Variants in TLN2 observed in about 807,000 individuals in gnomAD.
The protein encoded by TLN2 is talin-2.
Under a neutral mutation model 294.7 loss-of-function variants are expected in TLN2, and 118 were observed. That is an observed-to-expected ratio of 0.40 (90% confidence interval 0.34 to 0.47). TLN2 has a LOEUF of 0.47. TLN2 is among the 20% of genes least tolerant of loss of function. TLN2 has a pLI of 0.84. For synonymous variants in TLN2, 1,431 were observed against 1,304.5 expected (o/e 1.10, Z -2.09); for missense variants, 3,083 against 3,282.2 (o/e 0.94, Z 1.48).
chr15:62,644,085 A>T (rs1038920836), intron 3 of TLN2, among the ~76,000 whole-genome samples: 4 of 151,916 alleles, frequency 2.6e-5, no homozygotes, highest in African/African-American at 7.3e-5. Context: ...AGACAAGTCT[A>T]TACCTGCTGG....
At chr15:62,791,244 A>G (rs891821045) in intron 45 of TLN2, among the ~76,000 whole-genome samples, 3 of 152,060 alleles carry the variant, frequency 2.0e-5, no homozygotes, top group Non-Finnish European at 4.4e-5. Context: ...AATCCCAGCT[A>G]TTCAGGAGGC....
intron 1 of TLN2, among the ~76,000 whole-genome samples, chr15:62,587,367 T>A (rs915172278): frequency 6.6e-6 from 1 of 152,206 alleles, no homozygotes; most frequent in African/African-American, 2.4e-5. Context: ...GTAAAAATCA[T>A]CTAACATTTT....
In TLN2 at chr15:62,718,435, CA is replaced by C. The variant is rs202099582; in HGVS notation, c.2877+748del. Among the ~76,000 whole-genome samples the C allele has an allele frequency of 8.9e-3, 1,356 of 152,298 alleles. 20 individuals carry two copies. Among genetic ancestry groups the C allele is most frequent in the African/African-American group, 0.03 (1,249 of 41,566 alleles). Reference sequence around the variant, plus strand: ...CTGCTGGGGTTATGAGAGCCAACTGCAACCCTCTCTGCTTCTTCAAATCTCT... The same window carrying C: ...CTGCTGGGGTTATGAGAGCCAACTGCACCCTCTCTGCTTCTTCAAATCTCT... On this transcript the variant is annotated intron_variant, in intron 24 of 58. Coordinates refer to ENST00000636159, the MANE Select transcript of TLN2 (RefSeq NM_015059.3).
At chr15:62,507,036 C>G (rs1342922283) in intron 1 of TLN2, among the ~76,000 whole-genome samples, 2 of 152,134 alleles carry the variant, frequency 1.3e-5, no homozygotes, top group Non-Finnish European at 2.9e-5. Flanking sequence ...ACTTGCTGAA[C>G]TTTGGTCAGC....
rs1177336684 is a variant in TLN2, at chr15:62,725,047, G to A, written c.3198G>A (p.Leu1066=). Residue 1066 remains leucine (L), a synonymous_variant, in exon 27 of 59, where the codon CTG becomes CTA. Transcript: ENST00000636159. ...CGGTGCAGACGCTTAAGAATGAACTGCAGGATGCCAAGATGGCAGCCGTGG... is the reference window on the plus strand; with the variant it reads ...CGGTGCAGACGCTTAAGAATGAACTACAGGATGCCAAGATGGCAGCCGTGG... ...LNTVQTLKNE[L]QDAKMAAVES... The A allele has an allele frequency of 6.2e-6, 10 of 1,613,474 alleles. No homozygotes were observed. Among genetic ancestry groups the A allele is most frequent in the Middle Eastern group, 1.7e-4 (1 of 6,054 alleles).
At chr15:62,617,608 A>T (rs955232242) in intron 2 of TLN2, among the ~76,000 whole-genome samples, 1 of 152,160 alleles carries the variant, frequency 6.6e-6, no homozygotes, top group Non-Finnish European at 1.5e-5. Flanking sequence ...ATGCCATCTC[A>T]CAAGGCCTCA....
At chr15:62,564,343 G>A (rs1385190774) in intron 1 of TLN2, among the ~76,000 whole-genome samples, 1 of 152,144 alleles carries the variant, frequency 6.6e-6, no homozygotes, top group African/African-American at 2.4e-5. Context: ...TGGGGTGGAG[G>A]TAGACTGGAC....
chr15:62,655,837 A>G (rs2053147882), intron 7 of TLN2, 107 bp from the exon 8 acceptor site: 1 of 1,211,416 alleles, frequency 8.3e-7, no homozygotes, highest in Non-Finnish European at 1.2e-6. Flanking sequence ...TACTATAACT[A>G]AGTATCAGAG....
intron 28 of TLN2, chr15:62,733,815 C>G (rs553620967): frequency 6.6e-6 from 1 of 152,216 alleles, no homozygotes; most frequent in Non-Finnish European, 1.5e-5. Flanking sequence ...AAACAGAAAT[C>G]TGCTTTAGTA....
chr15:62,701,701 C>T (rs532809515), intron 17 of TLN2, among the ~76,000 whole-genome samples: 1 of 152,314 alleles, frequency 6.6e-6, no homozygotes, highest in South Asian at 2.1e-4. Flanking sequence ...AGTTGACCCC[C>T]TGAGCTGCTG....
At chr15:62,545,644 C>T (rs553956906) in intron 1 of TLN2, among the ~76,000 whole-genome samples, 2 of 152,026 alleles carry the variant, frequency 1.3e-5, no homozygotes, top group Non-Finnish European at 2.9e-5. Flanking sequence ...TTTTTATGCT[C>T]AAGTGAATCA....
chr15:62,836,570 G>A (rs1028650149), intron 57 of TLN2, among the ~76,000 whole-genome samples: 1 of 152,232 alleles, frequency 6.6e-6, no homozygotes, highest in Non-Finnish European at 1.5e-5. Context: ...TTCAGCCAGT[G>A]TCTGCTACAG....
At chr15:62,612,867 C>G (rs1410200845) in intron 2 of TLN2, among the ~76,000 whole-genome samples, 1 of 152,160 alleles carries the variant, frequency 6.6e-6, no homozygotes, top group Non-Finnish European at 1.5e-5. Flanking sequence ...ATCTTCCAGG[C>G]TTTATGAAAT....
chr15:62,660,039 C>G (rs1327256523), intron 9 of TLN2, among the ~76,000 whole-genome samples: 11 of 152,126 alleles, frequency 7.2e-5, no homozygotes, highest in East Asian at 1.9e-4. Flanking sequence ...TATGTGTGAT[C>G]TGCTTAAACA....
Position 62,436,638 on chromosome 15 carries a change from G to A in TLN2, c.-238+45953G>A, listed in dbSNP as rs138092152. 3.0e-4 allele frequency among the ~76,000 whole-genome samples: 45 copies of A among 152,342 alleles called. No homozygotes were observed. In the East Asian group the frequency reaches 6.2e-3, roughly 21 times the overall value. On this transcript the variant is annotated intron_variant, in intron 1 of 58. Transcript: ENST00000636159. ...GCAGGCCTATGAGAGGAGGTCTCAA[G>A]GGACTTGGAGGAATCAGGTTGTTTG... is the stretch of plus-strand genomic sequence containing the variant.
At chr15:62,689,796 G>T (rs2057620014) in intron 12 of TLN2, among the ~76,000 whole-genome samples, 2 of 81,902 alleles carry the variant, frequency 2.4e-5, no homozygotes, top group African/African-American at 7.5e-5. Context: ...TTCTGTGGCT[G>T]TTTTTAAGAT....
At chr15:62,463,646 G>A (rs1595865982) in intron 1 of TLN2, among the ~76,000 whole-genome samples, 1 of 152,286 alleles carries the variant, frequency 6.6e-6, no homozygotes, top group Middle Eastern at 3.4e-3. Flanking sequence ...AGCACTTTGC[G>A]ACGCTGAGAT....
At chr15:62,674,904 T>A (rs1415280091) in intron 10 of TLN2, among the ~76,000 whole-genome samples, 1 of 152,232 alleles carries the variant, frequency 6.6e-6, no homozygotes, top group African/African-American at 2.4e-5. Flanking sequence ...CGTGGAGTCC[T>A]TTGACAATGT....
chr15:62,495,861 C>T (rs558523894), intron 1 of TLN2, among the ~76,000 whole-genome samples: 54 of 151,254 alleles, frequency 3.6e-4, no homozygotes, highest in Admixed American at 1.7e-3. Context: ...AGCCTGGAGG[C>T]GGGAGGTTGG....
Sources: gnomAD v4.1 joint callset for allele counts (sites outside exome capture counted in the v4.1 genomes callset) on GRCh38, gnomAD v4.1.1 for gene constraint, MANE v1.5 for transcripts, NCBI Gene and HGNC (gene_info 2026-07-23, HGNC 2026-07-21) for gene names.